Variants in GRM8 observed in about 807,000 individuals in gnomAD.
GRM8 encodes metabotropic glutamate receptor 8.
A neutral mutation model predicts 87.2 loss-of-function variants in GRM8; 47 were observed. The ratio of observed to expected loss-of-function variants is 0.54; its 90% CI spans 0.43 to 0.69. The LOEUF (loss-of-function observed/expected upper bound fraction) is 0.69, where lower values mean the gene tolerates loss of function less well. GRM8 is among the 30% of genes least tolerant of loss of function. GRM8 has a pLI of 0.00. For synonymous variants in GRM8, 396 were observed against 404.5 expected, an observed-to-expected ratio of 0.98 and a Z score of 0.25; for missense variants, 1,019 against 1,139.2, an observed-to-expected ratio of 0.89 and a Z score of 1.52.
intron 6 of GRM8, among the ~76,000 whole-genome samples, chr7:126,848,651 T>C (rs1796929909): frequency 6.6e-6 from 1 of 151,932 alleles, no homozygotes; most frequent in Non-Finnish European, 1.5e-5. Flanking sequence ...CGAAACTCAA[T>C]CTCTACAAAA....
At chr7:126,585,765 T>A (rs1294182028) in intron 8 of GRM8, among the ~76,000 whole-genome samples, 2 of 152,154 alleles carry the variant, frequency 1.3e-5, no homozygotes, top group African/African-American at 4.8e-5. Context: ...CTTTGAAAAC[T>A]GGCACAAGAC....
chr7:126,646,602 A>G (rs932409520), intron 7 of GRM8, among the ~76,000 whole-genome samples: 1 of 151,148 alleles, frequency 6.6e-6, no homozygotes, highest in African/African-American at 2.4e-5. Context: ...GATACCACCC[A>G]CATGCTTAAG....
Position 126,609,414 on chromosome 7 carries a change from T to C in GRM8, c.1442A>G (p.Lys481Arg), listed in dbSNP as rs1283380504. 1.9e-6 allele frequency: 3 copies of C among 1,613,478 alleles called. No individual in the cohort carries two copies. Among genetic ancestry groups the C allele is most frequent in the African/African-American group, 1.3e-5 (1 of 74,936 alleles). The change falls in exon 8 of 11, where the codon AAA (lysine) becomes AGA (arginine). Residue 481 changes from lysine to arginine, a missense_variant. By Grantham distance (26) the Lys-to-Arg change is conservative. Coordinates refer to ENST00000339582, the MANE Select transcript of GRM8 (RefSeq NM_000845.3). ...YDIFQYQITN[K>R]STEYKVIGHW... is the part of the protein sequence containing the mutation. ...GCCGATGACTTTGTACTCTGTGCTT[T>C]TGTTGGTTATTTGATACTGGAAGAT...
chr7:126,927,319 T>C (rs907722366), intron 3 of GRM8, among the ~76,000 whole-genome samples: 4 of 152,060 alleles, frequency 2.6e-5, no homozygotes, highest in African/African-American at 9.7e-5. Context: ...TTTTTTTCTT[T>C]AGAGACAAGG....
chr7:126,748,986 A>G (rs1256422725), intron 7 of GRM8, among the ~76,000 whole-genome samples: 1 of 152,098 alleles, frequency 6.6e-6, no homozygotes, highest in African/African-American at 2.4e-5. Flanking sequence ...ATTACCCTTC[A>G]CTGGCTAGGT....
chr7:127,027,850 C>A (rs931511420), intron 3 of GRM8, among the ~76,000 whole-genome samples: 4 of 152,096 alleles, frequency 2.6e-5, no homozygotes, highest in Non-Finnish European at 5.9e-5. Context: ...TTGCCCTGGC[C>A]AGAACTTCCA....
At chr7:126,794,900 G>A (rs1417889941) in intron 6 of GRM8, among the ~76,000 whole-genome samples, 9 of 152,122 alleles carry the variant, frequency 5.9e-5, no homozygotes, top group Admixed American at 1.3e-4. Context: ...TCCCAAGTCG[G>A]CTGTACATTA....
chr7:126,916,980 C>G (rs555216734), intron 3 of GRM8, among the ~76,000 whole-genome samples: 1 of 152,162 alleles, frequency 6.6e-6, no homozygotes, highest in Non-Finnish European at 1.5e-5. Context: ...AATGCAGTTA[C>G]GTTTTTAACT....
chr7:127,223,129 A>G (rs750013282), intron 2 of GRM8, among the ~76,000 whole-genome samples: 1 of 152,152 alleles, frequency 6.6e-6, no homozygotes, highest in Non-Finnish European at 1.5e-5. Context: ...TGAGCATTAG[A>G]TCTAAAACAA....
In GRM8 at chr7:127,243,185, C is replaced by G. The variant is rs146527148; in HGVS notation, c.20G>C (p.Arg7Pro). MVCEGK[R>P]SASCPCFFLL... ...GAAGAAACAAGGGCAAGAGGCTGATCGCTTTCCCTCGCATACCATTTTCTC... is the reference window on the plus strand; with the variant it reads ...GAAGAAACAAGGGCAAGAGGCTGATGGCTTTCCCTCGCATACCATTTTCTC... Residue 7 changes from arginine to proline, a missense_variant, in exon 2 of 11, where the codon CGA becomes CCA. By Grantham distance (103) the Arg-to-Pro change is moderately radical. Coordinates refer to ENST00000339582, the MANE Select transcript of GRM8 (RefSeq NM_000845.3). 8 of 1,608,076 alleles carry G rather than the reference C, an allele frequency of 5.0e-6. No individual in the cohort carries two copies. The highest frequency in any genetic ancestry group is 2.7e-5 in the African/African-American group (2 of 75,032).
intron 9 of GRM8, among the ~76,000 whole-genome samples, chr7:126,508,271 G>A (rs367998654): frequency 4.9e-5 from 7 of 143,450 alleles, no homozygotes; most frequent in Admixed American, 1.4e-4. Flanking sequence ...ACACACACAC[G>A]CAAACACACA....
intron 2 of GRM8, among the ~76,000 whole-genome samples, chr7:127,219,949 C>T (rs1796814046): frequency 6.6e-6 from 1 of 152,194 alleles, no homozygotes; most frequent in Non-Finnish European, 1.5e-5. Context: ...AGCCAGCAAA[C>T]AAGCACCTCA....
intron 8 of GRM8, among the ~76,000 whole-genome samples, chr7:126,608,063 TG>T (rs1204636290): frequency 6.6e-6 from 1 of 151,912 alleles, no homozygotes; most frequent in Non-Finnish European, 1.5e-5. Flanking sequence ...TGCACTAATA[TG>T]GGGCAAAGGG....
intron 3 of GRM8, among the ~76,000 whole-genome samples, chr7:126,960,436 G>A (rs1320826986): frequency 6.6e-6 from 1 of 152,144 alleles, no homozygotes; most frequent in East Asian, 1.9e-4. Flanking sequence ...GGTAGACAAT[G>A]TTTTGTTTCA....
intron 6 of GRM8, among the ~76,000 whole-genome samples, chr7:126,796,229 T>C (rs1381505417): frequency 6.6e-6 from 1 of 152,064 alleles, no homozygotes; most frequent in Non-Finnish European, 1.5e-5. Context: ...TTTATCTCTG[T>C]TGTCCATGAT....
At chr7:126,744,417 C>A (rs1473824019) in intron 7 of GRM8, among the ~76,000 whole-genome samples, 1 of 151,988 alleles carries the variant, frequency 6.6e-6, no homozygotes, top group Non-Finnish European at 1.5e-5. Flanking sequence ...AACTTGCATA[C>A]TCCTCAAATC....
intron 2 of GRM8, among the ~76,000 whole-genome samples, chr7:127,108,469 G>T (rs1274938354): frequency 1.3e-5 from 2 of 152,058 alleles, no homozygotes; most frequent in African/African-American, 4.8e-5. Flanking sequence ...GGGAATAGGG[G>T]AGCATTCTAT....
At chr7:127,148,948 G>A (rs1296436874) in intron 2 of GRM8, among the ~76,000 whole-genome samples, 1 of 151,896 alleles carries the variant, frequency 6.6e-6, no homozygotes, top group Non-Finnish European at 1.5e-5. Context: ...CTAAATAAAA[G>A]ACCTAAACAT....
At position 127,243,280 on chromosome 7, in the gene GRM8, T is replaced by C. The variant is rs1341722044; in HGVS notation, c.-76A>G. On this transcript the variant is annotated 5_prime_UTR_variant, in exon 2 of 11. Transcript: ENST00000339582. ...CAGAAGAAAGGGCACCACCTGAGGC[T>C]GCACCTTCTGGAGGCTACCATCAGG... 5 of 1,346,324 alleles carry C rather than the reference T, an allele frequency of 3.7e-6. No homozygotes were observed. Among genetic ancestry groups the C allele is most frequent in the Non-Finnish European group, 5.1e-6 (5 of 983,590 alleles). The allele number at this position is 1,346,324 out of a possible 1,614,324, so 83.4% of individuals were successfully genotyped here.
Sources: gnomAD v4.1 joint callset for allele counts (sites outside exome capture counted in the v4.1 genomes callset) on GRCh38, gnomAD v4.1.1 for gene constraint, MANE v1.5 for transcripts, NCBI Gene and HGNC (gene_info 2026-07-23, HGNC 2026-07-21) for gene names.